Variants in VWC2 observed in about 807,000 individuals in gnomAD.
VWC2 encodes brorin.
In VWC2, 14 loss-of-function variants were observed where a neutral mutation model predicts 29.8. That is an observed-to-expected ratio of 0.47 (90% CI 0.31 to 0.74). VWC2 has a LOEUF of 0.74. VWC2 is among the 30% of genes least tolerant of loss of function. The probability of loss-of-function intolerance (pLI) is 0.05; values close to 1 mark genes in which losing one functional copy is unlikely to be tolerated. For synonymous variants in VWC2, 213 were observed against 199.0 expected, an observed-to-expected ratio of 1.07 and a Z score of -0.59; for missense variants, 457 against 459.8, an observed-to-expected ratio of 0.99 and a Z score of 0.05.
intron 3 of VWC2, among the ~76,000 whole-genome samples, chr7:49,804,331 G>A (rs577695254): frequency 1.3e-5 from 2 of 152,044 alleles, no homozygotes; most frequent in African/African-American, 4.8e-5. Context: ...GCAGAGTCTC[G>A]GTGTGGCTTT....
rs140355882 is a variant in VWC2, at chr7:49,912,161, G to A, written c.954G>A (p.Thr318=). Residue 318 remains threonine, a synonymous_variant, in exon 4 of 4, where the codon ACG becomes ACA. Coordinates refer to ENST00000340652, the MANE Select transcript of VWC2 (RefSeq NM_198570.5). ...TWRIERQAMC[T]RHECRQM ...GAATCGAGCGGCAGGCCATGTGCAC[G>A]AGACATGAATGCAGGCAAATGTAGA... The A allele has an allele frequency of 1.2e-4, 189 of 1,613,978 alleles. 1 individual carries two copies. Among genetic ancestry groups the A allele is most frequent in the Admixed American group, 4.7e-4 (28 of 60,012 alleles).
intron 3 of VWC2, among the ~76,000 whole-genome samples, chr7:49,830,001 A>AT (rs767645610): frequency 5.3e-5 from 8 of 152,138 alleles, no homozygotes; most frequent in Non-Finnish European, 1.0e-4. Flanking sequence ...GCTTAGGAAG[A>AT]TTTTTTACAG....
intron 3 of VWC2, among the ~76,000 whole-genome samples, chr7:49,863,046 T>C (rs1225282259): frequency 1.3e-5 from 2 of 152,196 alleles, no homozygotes; most frequent in African/African-American, 2.4e-5. Flanking sequence ...TTTGTGCTAA[T>C]TGTTTGTTAT....
chr7:49,897,097 T>A (rs931789628), intron 3 of VWC2, among the ~76,000 whole-genome samples: 3 of 151,714 alleles, frequency 2.0e-5, no homozygotes, highest in Non-Finnish European at 4.4e-5. Context: ...GGGTTTCACC[T>A]TGTTAGCCAG....
chr7:49,843,909 T>C (rs922569132), intron 3 of VWC2, among the ~76,000 whole-genome samples: 1 of 152,230 alleles, frequency 6.6e-6, no homozygotes, highest in African/African-American at 2.4e-5. Context: ...GATGGAGAGA[T>C]AGCAGAGCTT....
chr7:49,910,630 G>A (rs866455736), intron 3 of VWC2, among the ~76,000 whole-genome samples: 16 of 152,264 alleles, frequency 1.1e-4, no homozygotes, highest in African/African-American at 2.9e-4. Context: ...TTTAACTAAC[G>A]TTGGAACTCT....
rs1220691094 is a variant in VWC2 at position 49,877,481 on chromosome 7, A to AAT, written c.827-34517_827-34516dup. 6.1e-3 allele frequency among the ~76,000 whole-genome samples: 77 copies of AAT among 12,722 alleles called. 1 individual carries two copies. Among genetic ancestry groups the AAT allele is most frequent in the Non-Finnish European group, 7.5e-3 (52 of 6,946 alleles). The allele number at this position is 12,722 out of a possible 152,430, so 8.3% of individuals were successfully genotyped here. On this transcript the variant is annotated intron_variant, in intron 3 of 3. Coordinates refer to ENST00000340652, the MANE Select transcript of VWC2 (RefSeq NM_198570.5). ...CTGTCTCAAAAAAAAAAAAAAAAAA[A>AAT]ATATATATATATATATATATATATA...
intron 3 of VWC2, among the ~76,000 whole-genome samples, chr7:49,825,227 GTTGA>G (rs1446362396): frequency 6.6e-6 from 1 of 152,002 alleles, no homozygotes; most frequent in Non-Finnish European, 1.5e-5. Context: ...ATTTCTTCAT[GTTGA>G]TTATCTCTCA....
chr7:49,797,281 C>G (rs1788613682), intron 2 of VWC2, among the ~76,000 whole-genome samples: 1 of 152,160 alleles, frequency 6.6e-6, no homozygotes, highest in African/African-American at 2.4e-5. Context: ...TAAATTAACT[C>G]CATCTATGAA....
At chr7:49,902,441 C>G (rs1792808141) in intron 3 of VWC2, among the ~76,000 whole-genome samples, 1 of 150,978 alleles carries the variant, frequency 6.6e-6, no homozygotes, top group African/African-American at 2.4e-5. Context: ...AACAGTACAG[C>G]AAATTTATTT....
At chr7:49,853,909 C>T (rs1442074095) in intron 3 of VWC2, among the ~76,000 whole-genome samples, 4 of 145,738 alleles carry the variant, frequency 2.7e-5, no homozygotes, top group Non-Finnish European at 6.0e-5. Context: ...GTTCCCCTTC[C>T]TGTGTCCAAA....
chr7:49,877,299 T>C (rs527320781), intron 3 of VWC2, among the ~76,000 whole-genome samples: 10 of 150,236 alleles, frequency 6.7e-5, no homozygotes, highest in Admixed American at 1.3e-4. Context: ...CCGTGTCTAC[T>C]AAAAATACAA....
chr7:49,817,957 A>G (rs1401329970), intron 3 of VWC2, among the ~76,000 whole-genome samples: 2 of 152,258 alleles, frequency 1.3e-5, no homozygotes, highest in African/African-American at 4.8e-5. Flanking sequence ...AGCCTATGCT[A>G]TAACTTGATT....
intron 3 of VWC2, among the ~76,000 whole-genome samples, chr7:49,815,291 G>C (rs1789110669): frequency 6.6e-6 from 1 of 152,152 alleles, no homozygotes; most frequent in Non-Finnish European, 1.5e-5. Flanking sequence ...GGGAAGAAGT[G>C]AGTAATACTG....
In VWC2 at chr7:49,904,775, G is replaced by T. The variant is rs1429296705; in HGVS notation, c.827-7259G>T. Among the ~76,000 whole-genome samples, 9 of 139,494 alleles carry T rather than the reference G, an allele frequency of 6.5e-5. 1 individual carries two copies. The South Asian group carries it at 2.0e-3, about 31-fold the overall frequency. The allele number at this position is 139,494 out of a possible 152,430, so 91.5% of individuals were successfully genotyped here. A position where few individuals can be genotyped will look rare whatever the true frequency, so the allele number is the denominator to read the frequency against. On this transcript the variant is annotated intron_variant, in intron 3 of 3. Transcript: ENST00000340652. ...TTTTGAGATGGAGTATCACTCTGTC[G>T]CCCAGGTTGGAGTGCAGTGGCGCGA... is the stretch of plus-strand genomic sequence containing the variant.
intron 3 of VWC2, among the ~76,000 whole-genome samples, chr7:49,905,271 G>A (rs1458717019): frequency 2.0e-5 from 3 of 152,298 alleles, no homozygotes; most frequent in South Asian, 4.1e-4. Flanking sequence ...CTTATCATGA[G>A]AGTACATGAT....
chr7:49,824,283 T>C (rs1157988911), intron 3 of VWC2, among the ~76,000 whole-genome samples: 1 of 152,192 alleles, frequency 6.6e-6, no homozygotes, highest in Non-Finnish European at 1.5e-5. Flanking sequence ...TGATGTTTGC[T>C]TTTGCCCATG....
chr7:49,800,189 T>G (rs1404724906), intron 2 of VWC2, among the ~76,000 whole-genome samples: 1 of 151,908 alleles, frequency 6.6e-6, no homozygotes, highest in East Asian at 1.9e-4. Context: ...GTAAGAAGTG[T>G]TTTTTTTCCA....
intron 3 of VWC2, among the ~76,000 whole-genome samples, chr7:49,858,351 T>A (rs540942051): frequency 3.7e-4 from 56 of 152,154 alleles, no homozygotes; most frequent in African/African-American, 1.3e-3. Flanking sequence ...GTGGCACATA[T>A]ACACCATGGA....
Sources: allele counts gnomAD v4.1 joint callset (sites outside exome capture counted in the v4.1 genomes callset), GRCh38; gene constraint gnomAD v4.1.1; transcripts MANE v1.5; gene names NCBI Gene and HGNC (gene_info 2026-07-23, HGNC 2026-07-21).